Variants in BUB1B observed in about 807,000 individuals in gnomAD.
The protein encoded by BUB1B is BUB1 mitotic checkpoint serine/threonine kinase B, also known as mitotic checkpoint serine/threonine-protein kinase BUB1 beta.
Under a neutral mutation model 137.7 loss-of-function variants are expected in BUB1B, and 86 were observed. The ratio of observed to expected loss-of-function variants is 0.62; its 90% CI spans 0.52 to 0.75. The LOEUF (loss-of-function observed/expected upper bound fraction) is 0.75, where lower values mean the gene tolerates loss of function less well. Among genes scored for constraint, BUB1B ranks in the 30% least tolerant of loss-of-function variants. The probability of loss-of-function intolerance (pLI) is 0.00; values close to 1 mark genes in which losing one functional copy is unlikely to be tolerated. For synonymous variants in BUB1B, 420 were observed against 417.9 expected, an observed-to-expected ratio of 1.00 and a Z score of -0.06; for missense variants, 1,130 against 1,236.9, an observed-to-expected ratio of 0.91 and a Z score of 1.30.
At chr15:40,197,450 G>A (rs761207543) in intron 9 of BUB1B, among the ~76,000 whole-genome samples, 1 of 152,150 alleles carries the variant, frequency 6.6e-6, no homozygotes, top group Non-Finnish European at 1.5e-5. Flanking sequence ...GGGGCTTAAG[G>A]CATGAGAAGG....
chr15:40,220,757 T>G lies in BUB1B; in HGVS notation c.3151T>G (p.Ter1051GlyextTer28). ...LTSPGALLFQ[*>G] ...TAGTCCTGGGGCTTTGCTCTTTCAGTGAGCTAGGCAATCAAGTCTCACAGA... is the reference window on the plus strand; with the variant it reads ...TAGTCCTGGGGCTTTGCTCTTTCAGGGAGCTAGGCAATCAAGTCTCACAGA... Residue 1051 changes from the stop codon to glycine (G), a stop_lost, in exon 23 of 23, where the codon TGA (stop) becomes GGA (glycine). Transcript: ENST00000287598. The G allele has an allele frequency of 6.2e-7, 1 of 1,613,964 alleles. No individual in the cohort carries two copies. The highest frequency in any genetic ancestry group is 8.5e-7 in the Non-Finnish European group (1 of 1,179,826).
intron 8 of BUB1B, among the ~76,000 whole-genome samples, chr15:40,193,641 G>T (rs1434410994): frequency 6.6e-6 from 1 of 151,746 alleles, no homozygotes; most frequent in Non-Finnish European, 1.5e-5. Context: ...GGGCGTGGTG[G>T]CTCATGCTTG....
At chr15:40,212,674 A>G (rs1166997869) in intron 19 of BUB1B, 26 bp downstream of exon 19, 4 of 1,604,058 alleles carry the variant, frequency 2.5e-6, no homozygotes, top group Non-Finnish European at 3.4e-6. Flanking sequence ...AACATAATTT[A>G]AAGTCCTGAA....
chr15:40,206,204 AC>A lies in BUB1B; in HGVS notation c.1758del (p.Leu587Ter). 6.2e-7 allele frequency: 1 copy of A among 1,614,162 alleles called. No homozygotes were observed. Among genetic ancestry groups the A allele is most frequent in the Non-Finnish European group, 8.5e-7 (1 of 1,180,030 alleles). On this transcript the variant is annotated frameshift_variant, in exon 15 of 23. Coordinates refer to ENST00000287598, the MANE Select transcript of BUB1B (RefSeq NM_001211.6). LOFTEE classifies it high-confidence loss of function. ...TTCAGGATGAATTTACAGGAATTGA[AC>A]CCTTGAGCGAGGATGCCATTATCAC... is the stretch of plus-strand genomic sequence containing the variant. ...DVCDEFTGIE[P>X]LSEDAIITGF...
chr15:40,180,642 CTTTTTTTTTT>C lies in BUB1B; in HGVS notation c.582-3056_582-3047del, dbSNP rs71132149. Among the ~76,000 whole-genome samples, 19 of 65,854 alleles carry C rather than the reference CTTTTTTTTTT, an allele frequency of 2.9e-4. No individual in the cohort carries two copies. The South Asian group carries it at 0.011, about 37-fold the overall frequency. 43.2% of individuals were successfully genotyped at this position (65,854 alleles called of 152,430 possible). On this transcript the variant is annotated intron_variant, in intron 5 of 22. Transcript: ENST00000287598. ...CCTCCTTGGTTTCTTTTTTCTTTTT[CTTTTTTTTTT>C]TTTTTTTTTTTTTTTGAGACGGAGT...
chr15:40,201,924 C>T lies in BUB1B; in HGVS notation c.1568-481C>T, dbSNP rs2037576035. 2.6e-5 allele frequency among the ~76,000 whole-genome samples: 4 copies of T among 152,154 alleles called. 1 individual carries two copies. In the South Asian group the frequency reaches 6.2e-4, roughly 24 times the overall value. ...GACCTCGTGATCCGCCCACCATGGC[C>T]TCCCAAAGTGCTGGGATTACAGGTG... is the stretch of plus-strand genomic sequence containing the variant. On this transcript the variant is annotated intron_variant, in intron 12 of 22. Coordinates refer to ENST00000287598, the MANE Select transcript of BUB1B (RefSeq NM_001211.6).
In BUB1B at chr15:40,170,698, T is replaced by C. The variant is rs2037151850; in HGVS notation, c.384+17T>C. 2 of 1,611,558 alleles carry C rather than the reference T, an allele frequency of 1.2e-6. No homozygotes were observed. Among genetic ancestry groups the C allele is most frequent in the Non-Finnish European group, 1.7e-6 (2 of 1,178,220 alleles). ...CTTAAATTAGTAAGTCTTTCTCAAGTGCCATCTGAGTTTTAAATATTAAAC... is the reference window on the plus strand; with the variant it reads ...CTTAAATTAGTAAGTCTTTCTCAAGCGCCATCTGAGTTTTAAATATTAAAC... On this transcript the variant is annotated intron_variant, in intron 4 of 22. Coordinates refer to ENST00000287598, the MANE Select transcript of BUB1B (RefSeq NM_001211.6).
intron 18 of BUB1B, among the ~76,000 whole-genome samples, chr15:40,212,135 T>C (rs768471614): frequency 1.3e-5 from 2 of 152,324 alleles, no homozygotes; most frequent in Admixed American, 6.5e-5. Flanking sequence ...GCACTAGGCC[T>C]ACCTTCCTCT....
At position 40,199,704 on chromosome 15, in the gene BUB1B, C is replaced by T. The variant is rs75763304; in HGVS notation, c.1378C>T (p.Gln460Ter). The T allele has an allele frequency of 1.2e-6, 2 of 1,613,598 alleles. No individual in the cohort carries two copies. The highest frequency in any genetic ancestry group is 8.5e-7 in the Non-Finnish European group (1 of 1,179,600). The change falls in exon 10 of 23, where the codon CAG becomes TAG. Residue 460 changes from glutamine to a stop codon, truncating the protein, a stop_gained. Transcript: ENST00000287598. LOFTEE classifies it high-confidence loss of function. Reference sequence around the variant, plus strand: ...GAAGCTAAAAGAAATCCAAACTACTCAGCAAGAAAGAACAGGTGATCAGGT... The same window carrying T: ...GAAGCTAAAAGAAATCCAAACTACTTAGCAAGAAAGAACAGGTGATCAGGT... ...EKKLKEIQTT[Q>*]QERTGDQQEE...
intron 8 of BUB1B, among the ~76,000 whole-genome samples, chr15:40,192,852 A>T (rs2037453344): frequency 6.6e-6 from 1 of 152,124 alleles, no homozygotes; most frequent in African/African-American, 2.4e-5. Flanking sequence ...GTAGACATTC[A>T]TGTGCAGGTT....
chr15:40,214,220 C>G (rs2037747692), intron 20 of BUB1B, among the ~76,000 whole-genome samples: 1 of 152,142 alleles, frequency 6.6e-6, no homozygotes. Context: ...AGTTCAAATA[C>G]AAACTATGCC....
chr15:40,208,099 G>A (rs2037659991), intron 15 of BUB1B, among the ~76,000 whole-genome samples: 1 of 150,484 alleles, frequency 6.6e-6, no homozygotes, highest in Non-Finnish European at 1.5e-5. Context: ...CAGCCTGGGT[G>A]ACGGAATGAG....
intron 4 of BUB1B, among the ~76,000 whole-genome samples, chr15:40,172,298 G>A (rs1293712283): frequency 6.6e-6 from 1 of 152,030 alleles, no homozygotes; most frequent in Non-Finnish European, 1.5e-5. Context: ...TTCCAATACA[G>A]TTGACCCTTG....
chr15:40,169,832 C>G (rs1431586979), intron 2 of BUB1B, among the ~76,000 whole-genome samples: 2 of 152,094 alleles, frequency 1.3e-5, no homozygotes, highest in East Asian at 3.9e-4. Flanking sequence ...AGGCTGGTCT[C>G]AAACTTCTAA....
chr15:40,216,863 G>T (rs1217241159), intron 20 of BUB1B, among the ~76,000 whole-genome samples: 1 of 151,498 alleles, frequency 6.6e-6, no homozygotes, highest in African/African-American at 2.4e-5. Flanking sequence ...TTATTGCATA[G>T]GATAGATAAA....
intron 8 of BUB1B, among the ~76,000 whole-genome samples, chr15:40,186,644 A>G (rs1158896954): frequency 1.4e-5 from 2 of 147,742 alleles, no homozygotes; most frequent in Non-Finnish European, 3.0e-5. Flanking sequence ...ACGGGGTTTC[A>G]CCGTGTTAGC....
intron 14 of BUB1B, among the ~76,000 whole-genome samples, chr15:40,204,777 C>T (rs1405335526): frequency 6.6e-6 from 1 of 151,620 alleles, no homozygotes; most frequent in Non-Finnish European, 1.5e-5. Flanking sequence ...GCTGGGACTA[C>T]AGGTGTGAGC....
At chr15:40,182,957 G>A (rs1305612908) in intron 5 of BUB1B, among the ~76,000 whole-genome samples, 2 of 152,062 alleles carry the variant, frequency 1.3e-5, no homozygotes, top group Non-Finnish European at 2.9e-5. Context: ...TCAGTTAGTT[G>A]CTTTTTTTGT....
chr15:40,215,541 G>A (rs985937397), intron 20 of BUB1B, among the ~76,000 whole-genome samples: 4 of 151,972 alleles, frequency 2.6e-5, no homozygotes, highest in East Asian at 1.9e-4. Flanking sequence ...AGGCCGAGGC[G>A]GGCGGATCAC....
Sources: allele counts gnomAD v4.1 joint callset (sites outside exome capture counted in the v4.1 genomes callset), GRCh38; gene constraint gnomAD v4.1.1; transcripts MANE v1.5; gene names NCBI Gene and HGNC (gene_info 2026-07-23, HGNC 2026-07-21).